The following DENND1B variants were observed in gnomAD, a reference collection of about 807,000 sequenced individuals.
DENND1B encodes the protein DENN domain-containing protein 1B.
A neutral mutation model predicts 90.1 loss-of-function variants in DENND1B; 59 were observed. The observed-to-expected ratio is 0.65, with a 90% CI of 0.53 to 0.81. The LOEUF (loss-of-function observed/expected upper bound fraction) is 0.81, where lower values mean the gene tolerates loss of function less well. DENND1B is among the 40% of genes least tolerant of loss of function. The pLI is 0.00. For missense variants in DENND1B, 862 were observed against 912.6 expected, an observed-to-expected ratio of 0.94 and a Z score of 0.71; for synonymous variants, 337 against 324.6, an observed-to-expected ratio of 1.04 and a Z score of -0.41.
intron 3 of DENND1B, 131 bp downstream of exon 3, chr1:197,714,900 C>A: frequency 1.4e-6 from 1 of 708,462 alleles, no homozygotes; most frequent in Non-Finnish European, 2.5e-6. Flanking sequence ...TTTTGTCTCA[C>A]AGTTGATCAA....
intron 21 of DENND1B, among the ~76,000 whole-genome samples, chr1:197,512,256 G>A (rs1231093942): frequency 4.0e-5 from 6 of 151,596 alleles, no homozygotes; most frequent in African/African-American, 1.5e-4. Flanking sequence ...TGGAAAGTCT[G>A]CTATAGCCTA....
At chr1:197,681,452 C>T (rs1018441489) in intron 3 of DENND1B, among the ~76,000 whole-genome samples, 2 of 152,096 alleles carry the variant, frequency 1.3e-5, no homozygotes, top group Non-Finnish European at 2.9e-5. Context: ...ACATACTGAT[C>T]AAATTCTTTT....
intron 10 of DENND1B, 67 bp downstream of exon 10, chr1:197,642,644 A>C (rs775786611): frequency 8.8e-7 from 1 of 1,134,980 alleles, no homozygotes; most frequent in Non-Finnish European, 1.3e-6. Flanking sequence ...CTAAATCTGC[A>C]AAGGTTTTTA....
chr1:197,518,282 G>T (rs544488809), intron 20 of DENND1B, among the ~76,000 whole-genome samples: 15 of 151,990 alleles, frequency 9.9e-5, no homozygotes, highest in Non-Finnish European at 2.2e-4. Context: ...CAACTATCTT[G>T]CCAGGATATA....
intron 15 of DENND1B, among the ~76,000 whole-genome samples, chr1:197,561,342 T>C (rs1672147000): frequency 6.6e-6 from 1 of 151,904 alleles, no homozygotes; most frequent in Non-Finnish European, 1.5e-5. Flanking sequence ...TCATGAGCAT[T>C]TGACAGTGTT....
upstream of DENND1B, among the ~76,000 whole-genome samples, chr1:197,776,340 A>G (rs896971607): frequency 6.6e-6 from 1 of 152,146 alleles, no homozygotes; most frequent in Non-Finnish European, 1.5e-5. Context: ...GATGCTGATT[A>G]TTTACTTCTA....
At chr1:197,741,734 C>A (rs985037441) in intron 2 of DENND1B, among the ~76,000 whole-genome samples, 1 of 151,960 alleles carries the variant, frequency 6.6e-6, no homozygotes, top group Non-Finnish European at 1.5e-5. Flanking sequence ...ATCCTATACA[C>A]AGAATGAATA....
chr1:197,720,208 A>C (rs1661030813), intron 2 of DENND1B, among the ~76,000 whole-genome samples: 1 of 152,130 alleles, frequency 6.6e-6, no homozygotes, highest in South Asian at 2.1e-4. Context: ...ATTTTATTAC[A>C]TCTTCCAAAA....
rs763946625 is a variant in DENND1B, at chr1:197,582,901, G to T, written c.1149+251C>A. Reference sequence around the variant, plus strand: ...CTAGTCATGTTGCTGCTTCTTCTGTGAATGTATATTCTTCCTCAATGAGAC... The same window carrying T: ...CTAGTCATGTTGCTGCTTCTTCTGTTAATGTATATTCTTCCTCAATGAGAC... On this transcript the variant is annotated intron_variant, in intron 15 of 22. Transcript: ENST00000620048. Among the ~76,000 whole-genome samples, 15 of 152,092 alleles carry T rather than the reference G, an allele frequency of 9.9e-5. No individual in the cohort carries two copies. The South Asian group carries it at 2.1e-3, about 21-fold the overall frequency.
chr1:197,742,455 A>G (rs1298318821), intron 2 of DENND1B, among the ~76,000 whole-genome samples: 2 of 152,222 alleles, frequency 1.3e-5, no homozygotes, highest in Non-Finnish European at 2.9e-5. Context: ...AATACTGTAT[A>G]TTCATAAATA....
chr1:197,587,862 A>T lies in DENND1B; in HGVS notation c.1048-4609T>A, dbSNP rs548892640. On this transcript the variant is annotated intron_variant, in intron 14 of 22. Transcript: ENST00000620048. ...GGAGCCCTGAGCTTGTTTTCTTGCA[A>T]CTAGATGGTCTTATCTGGGGGTAAT... Among the ~76,000 whole-genome samples, 7 of 152,242 alleles carry T rather than the reference A, an allele frequency of 4.6e-5. No individual in the cohort carries two copies. The East Asian group carries it at 1.4e-3, about 29-fold the overall frequency.
intron 15 of DENND1B, among the ~76,000 whole-genome samples, chr1:197,555,171 A>T (rs1041373227): frequency 2.0e-5 from 3 of 151,886 alleles, no homozygotes; most frequent in Non-Finnish European, 4.4e-5. Flanking sequence ...AAGATATATT[A>T]AAAAAAATTA....
chr1:197,759,968 A>T lies in DENND1B; in HGVS notation c.82+12900T>A, dbSNP rs931427135. 1.3e-5 allele frequency among the ~76,000 whole-genome samples: 2 copies of T among 152,156 alleles called. 1 individual carries two copies. Among genetic ancestry groups the T allele is most frequent in the South Asian group, 4.1e-4 (2 of 4,836 alleles). ...ATTCAGCCATACCTTAAAAAGATCGACTTTAATCATACTTAAAATTGTTTT... is the reference window on the plus strand; with the variant it reads ...ATTCAGCCATACCTTAAAAAGATCGTCTTTAATCATACTTAAAATTGTTTT... On this transcript the variant is annotated intron_variant, in intron 2 of 22. Coordinates refer to ENST00000620048, the MANE Select transcript of DENND1B (RefSeq NM_001195215.2).
At chr1:197,545,653 C>T (rs911343428) in intron 18 of DENND1B, 2 of 338,828 alleles carry the variant, frequency 5.9e-6, no homozygotes, top group African/African-American at 4.3e-5. Flanking sequence ...AATGGTACCC[C>T]ATCAATAACT....
At chr1:197,566,552 C>A (rs1249311453) in intron 15 of DENND1B, among the ~76,000 whole-genome samples, 3 of 152,008 alleles carry the variant, frequency 2.0e-5, no homozygotes, top group East Asian at 1.9e-4. Flanking sequence ...TTTTCATAAA[C>A]TCCTCATCTA....
At chr1:197,628,737 G>A (rs546132525) in intron 10 of DENND1B, among the ~76,000 whole-genome samples, 1 of 151,990 alleles carries the variant, frequency 6.6e-6, no homozygotes, top group South Asian at 2.1e-4. Flanking sequence ...GAGTGAACAG[G>A]CAACCTACAA....
chr1:197,748,584 G>A (rs1653029323), intron 2 of DENND1B, among the ~76,000 whole-genome samples: 1 of 152,158 alleles, frequency 6.6e-6, no homozygotes, highest in African/African-American at 2.4e-5. Flanking sequence ...GTATCAGAGG[G>A]ACAAACTAGG....
At chr1:197,658,735 A>T (rs1277088507) in intron 5 of DENND1B, among the ~76,000 whole-genome samples, 1 of 151,344 alleles carries the variant, frequency 6.6e-6, no homozygotes, top group African/African-American at 2.4e-5. Context: ...GATATCAAAA[A>T]TATCTCCTTT....
At chr1:197,510,996 A>G in intron 22 of DENND1B, 24 bp from the exon 23 acceptor site, 1 of 1,472,036 alleles carries the variant, frequency 6.8e-7, no homozygotes, top group South Asian at 1.6e-5. Context: ...GAAACAACAA[A>G]CTCAGAAAAC....
Sources: allele counts gnomAD v4.1 joint callset (sites outside exome capture counted in the v4.1 genomes callset), GRCh38; gene constraint gnomAD v4.1.1; transcripts MANE v1.5; gene names NCBI Gene and HGNC (gene_info 2026-07-23, HGNC 2026-07-21).